PLA2G4A: variants seen among roughly 807,000 people sequenced by gnomAD.
PLA2G4A encodes the protein phospholipase A2 group IVA.
PLA2G4A carries 40 observed loss-of-function variants against 81.9 expected under a neutral mutation model. The observed-to-expected ratio is 0.49, with a 90% CI of 0.38 to 0.64. PLA2G4A has a LOEUF of 0.64. Ranked by LOEUF, PLA2G4A falls within the 30% of genes least tolerant of loss-of-function variation. The probability of loss-of-function intolerance (pLI) is 0.00; values close to 1 mark genes in which losing one functional copy is unlikely to be tolerated. For missense variants in PLA2G4A, 715 were observed against 905.1 expected, an observed-to-expected ratio of 0.79 and a Z score of 2.69; for synonymous variants, 302 against 296.9, an observed-to-expected ratio of 1.02 and a Z score of -0.18.
At chr1:186,902,802 C>T in intron 5 of PLA2G4A, among the ~76,000 whole-genome samples, 1 of 151,278 alleles carries the variant, frequency 6.6e-6, no homozygotes, top group East Asian at 1.9e-4. Flanking sequence ...CCACCCCTAT[C>T]TCCCCTATCT....
In PLA2G4A at chr1:186,893,008, T is replaced by C. The variant is rs1654201486; in HGVS notation, c.116-3T>C. ...CCTTCTTGTTTGTGTTTACTATCTG[T>C]AGTTGATACTCCAGATCCCTATGTG... On this transcript the variant is annotated splice_region_variant and splice_polypyrimidine_tract_variant and intron_variant, in intron 3 of 17. Transcript: ENST00000367466. 6.3e-7 allele frequency: 1 copy of C among 1,597,772 alleles called. No homozygotes were observed. Among genetic ancestry groups the C allele is most frequent in the Non-Finnish European group, 8.6e-7 (1 of 1,165,106 alleles).
At chr1:186,926,071 G>C (rs1266974281) in intron 7 of PLA2G4A, among the ~76,000 whole-genome samples, 1 of 152,150 alleles carries the variant, frequency 6.6e-6, no homozygotes. Flanking sequence ...TAAGGAGAAG[G>C]TTTTGATGAT....
intron 7 of PLA2G4A, among the ~76,000 whole-genome samples, chr1:186,918,068 C>T (rs1186878178): frequency 1.3e-5 from 2 of 152,194 alleles, no homozygotes; most frequent in East Asian, 3.9e-4. Context: ...ATTCATCCTC[C>T]TTTTATTACT....
rs922030292 is a variant in PLA2G4A, at chr1:186,988,565, A to G, written c.*57A>G. On this transcript the variant is annotated 3_prime_UTR_variant, in exon 18 of 18. Transcript: ENST00000367466. ...TGCTGAGGCAGTTTGCAATCCCATGACAACTGGATTTAAAAGTACAGTACA... is the reference window on the plus strand; with the variant it reads ...TGCTGAGGCAGTTTGCAATCCCATGGCAACTGGATTTAAAAGTACAGTACA... 29 of 1,503,048 alleles carry G rather than the reference A, an allele frequency of 1.9e-5. No homozygotes were observed. The African/African-American group carries it at 2.8e-4, about 14-fold the overall frequency. The allele number at this position is 1,503,048 out of a possible 1,614,324, so 93.1% of individuals were successfully genotyped here.
intron 7 of PLA2G4A, among the ~76,000 whole-genome samples, chr1:186,928,106 A>G (rs12720582): frequency 0.25 from 38,625 of 151,930 alleles, 5,419 homozygotes; most frequent in Admixed American, 0.4. Flanking sequence ...AAGTGGTGGG[A>G]TATAAACAGC....
chr1:186,896,923 TG>T (rs1365323424), intron 5 of PLA2G4A, among the ~76,000 whole-genome samples: 1 of 152,094 alleles, frequency 6.6e-6, no homozygotes, highest in African/African-American at 2.4e-5. Flanking sequence ...GAGTGCCCTG[TG>T]CCAGCCACCC....
intron 3 of PLA2G4A, among the ~76,000 whole-genome samples, chr1:186,877,341 A>C (rs978333466): frequency 4.6e-5 from 7 of 152,042 alleles, no homozygotes; most frequent in Non-Finnish European, 7.4e-5. Flanking sequence ...AATGTGACCC[A>C]TTATTATCAC....
At position 186,946,904 on chromosome 1, in the gene PLA2G4A, A is replaced by C. The variant is rs543368378; in HGVS notation, c.1207A>C (p.Arg403=). Residue 403 remains arginine, a synonymous_variant, in exon 12 of 18, where the codon AGA becomes CGA. Coordinates refer to ENST00000367466, the MANE Select transcript of PLA2G4A (RefSeq NM_024420.3). ...CAGTGCCTTTTCCATATTGTTCAACAGAGTTTTGGGCGTTTCTGGTTCACA... is the reference window on the plus strand; with the variant it reads ...CAGTGCCTTTTCCATATTGTTCAACCGAGTTTTGGGCGTTTCTGGTTCACA... ...WGSAFSILFN[R]VLGVSGSQSR... is the part of the protein sequence containing the mutation. The C allele has an allele frequency of 2.4e-5, 39 of 1,612,808 alleles. 1 individual carries two copies. In the South Asian group the frequency reaches 4.0e-4, roughly 16 times the overall value.
At chr1:186,947,705 T>C (rs1416016760) in intron 12 of PLA2G4A, among the ~76,000 whole-genome samples, 2 of 152,182 alleles carry the variant, frequency 1.3e-5, no homozygotes, top group Admixed American at 6.6e-5. Context: ...TTTTGACTGA[T>C]AGCATAAAGA....
intron 7 of PLA2G4A, among the ~76,000 whole-genome samples, chr1:186,915,968 G>A (rs1007180354): frequency 6.6e-6 from 1 of 152,096 alleles, no homozygotes; most frequent in Admixed American, 6.6e-5. Context: ...GGGTCTACAG[G>A]TACTAATTCT....
chr1:186,836,993 G>C (rs1651800378), intron 1 of PLA2G4A, among the ~76,000 whole-genome samples: 1 of 152,116 alleles, frequency 6.6e-6, no homozygotes, highest in Non-Finnish European at 1.5e-5. Context: ...GAATGGCAAG[G>C]CTCACGCTAG....
chr1:186,954,746 T>C (rs1282486008), intron 13 of PLA2G4A, among the ~76,000 whole-genome samples: 1 of 152,088 alleles, frequency 6.6e-6, no homozygotes, highest in African/African-American at 2.4e-5. Flanking sequence ...TGACTATTTA[T>C]ATACAGGGTT....
intron 2 of PLA2G4A, among the ~76,000 whole-genome samples, chr1:186,861,970 T>C (rs1482892062): frequency 6.7e-6 from 1 of 149,222 alleles, no homozygotes; most frequent in East Asian, 1.9e-4. Flanking sequence ...TAAAATAATA[T>C]ATTTAATTTA....
intron 7 of PLA2G4A, among the ~76,000 whole-genome samples, chr1:186,921,792 T>C (rs1434284724): frequency 6.6e-6 from 1 of 152,064 alleles, no homozygotes; most frequent in Non-Finnish European, 1.5e-5. Flanking sequence ...AGGGAGAACC[T>C]TCCTTAACTA....
intron 3 of PLA2G4A, 23 bp downstream of exon 3, chr1:186,870,539 C>T: frequency 6.7e-7 from 1 of 1,490,796 alleles, no homozygotes; most frequent in Non-Finnish European, 9.3e-7. Flanking sequence ...TTTTTCTTTG[C>T]TGTTAAACAT....
chr1:186,956,204 A>G lies in PLA2G4A; in HGVS notation c.1439A>G (p.Asn480Ser), dbSNP rs751953351. ...MALVSDSALFNTREGRAGKVH... is the reference protein window; with the variant it reads ...MALVSDSALFSTREGRAGKVH... ...TTGGTGAGTGATTCAGCTTTATTCA[A>G]TACCAGAGAAGGACGTGCTGGGAAG... The change falls in exon 14 of 18, where the codon AAT (asparagine) becomes AGT (serine). Residue 480 changes from asparagine (N) to serine (S), a missense_variant. Physicochemically the swap from Asn to Ser is conservative, Grantham distance 46. Coordinates refer to ENST00000367466, the MANE Select transcript of PLA2G4A (RefSeq NM_024420.3). 3.1e-6 allele frequency: 5 copies of G among 1,614,062 alleles called. No individual in the cohort carries two copies. In the South Asian group the frequency reaches 5.5e-5, roughly 18 times the overall value.
chr1:186,961,416 T>C (rs902861291), intron 14 of PLA2G4A, among the ~76,000 whole-genome samples: 2 of 152,356 alleles, frequency 1.3e-5, no homozygotes, highest in Admixed American at 1.3e-4. Context: ...TGTTCCACAA[T>C]GTATGCATGT....
At chr1:186,945,444 A>T (rs1334990884) in intron 10 of PLA2G4A, among the ~76,000 whole-genome samples, 1 of 152,148 alleles carries the variant, frequency 6.6e-6, no homozygotes, top group Non-Finnish European at 1.5e-5. Context: ...TTAAAGATTT[A>T]TTCTGGCTAT....
chr1:186,885,562 T>A (rs1049134167), intron 3 of PLA2G4A, among the ~76,000 whole-genome samples: 1 of 152,090 alleles, frequency 6.6e-6, no homozygotes, highest in African/African-American at 2.4e-5. Context: ...GAATTATAAA[T>A]ATTCAGCGGC....
Sources: allele counts gnomAD v4.1 joint callset (sites outside exome capture counted in the v4.1 genomes callset), GRCh38; gene constraint gnomAD v4.1.1; transcripts MANE v1.5; gene names NCBI Gene and HGNC (gene_info 2026-07-23, HGNC 2026-07-21).